DMAC2L: variants seen among roughly 807,000 people sequenced by gnomAD.
DMAC2L encodes distal membrane arm assembly component 2 like, also known as ATP synthase subunit s, mitochondrial.
A neutral mutation model predicts 22.5 loss-of-function variants in DMAC2L; 21 were observed. The ratio of observed to expected loss-of-function variants is 0.93; its 90% CI spans 0.66 to 1.34. The LOEUF (loss-of-function observed/expected upper bound fraction) is 1.34, where lower values mean the gene tolerates loss of function less well. Among genes scored for constraint, DMAC2L ranks in the 40% most tolerant of loss-of-function variants. The pLI is 0.00. For synonymous variants in DMAC2L, 86 were observed against 89.5 expected (o/e 0.96, Z 0.22); for missense variants, 239 against 246.5 (o/e 0.97, Z 0.20).
chr14:50,325,555 A>G (rs8003113), intron 5 of DMAC2L, 54 bp from the exon 6 acceptor site: 853,676 of 1,503,618 alleles, frequency 0.57, 243,723 homozygotes, highest in East Asian at 0.6. Context: ...AGTAAATTGA[A>G]TTTATTTTTA....
rs937211456 is a variant in DMAC2L at position 50,325,962 on chromosome 14, G to C, written c.*239G>C. 2.7e-6 allele frequency: 3 copies of C among 1,122,836 alleles called. No individual in the cohort carries two copies. Among genetic ancestry groups the C allele is most frequent in the African/African-American group, 3.3e-5 (2 of 60,606 alleles). 69.6% of individuals were successfully genotyped at this position (1,122,836 alleles called of 1,614,324 possible). A position where few individuals can be genotyped will look rare whatever the true frequency, so the allele number is the denominator to read the frequency against. On this transcript the variant is annotated 3_prime_UTR_variant, in exon 6 of 6. Coordinates refer to ENST00000557421, the MANE Select transcript of DMAC2L (RefSeq NM_001382507.1). Reference sequence around the variant, plus strand: ...AAGAAAAGTGCAGCCAGGCGCAGTGGCTCATGCCTGTAATCCTAGCACTTT... The same window carrying C: ...AAGAAAAGTGCAGCCAGGCGCAGTGCCTCATGCCTGTAATCCTAGCACTTT...
At chr14:50,315,099 T>C (rs1031723625) in intron 2 of DMAC2L, among the ~76,000 whole-genome samples, 1 of 152,040 alleles carries the variant, frequency 6.6e-6, no homozygotes, top group Non-Finnish European at 1.5e-5. Context: ...CCTGAGTAGC[T>C]GGGACTATAG....
chr14:50,318,617 A>G (rs2032009762), intron 2 of DMAC2L, among the ~76,000 whole-genome samples: 1 of 152,246 alleles, frequency 6.6e-6, no homozygotes, highest in South Asian at 2.1e-4. Flanking sequence ...GCTGAGAAAA[A>G]TGGAAATGAA....
chr14:50,316,669 ATGTT>A (rs917584551), intron 2 of DMAC2L, among the ~76,000 whole-genome samples: 3 of 152,018 alleles, frequency 2.0e-5, no homozygotes, highest in African/African-American at 4.8e-5. Context: ...CCCACTTTAT[ATGTT>A]TGTTTGTTTT....
chr14:50,321,520 G>A lies in DMAC2L; in HGVS notation c.33G>A (p.Leu11=), dbSNP rs2032272754. The A allele has an allele frequency of 2.5e-6, 4 of 1,613,980 alleles. No individual in the cohort carries two copies. The highest frequency in any genetic ancestry group is 1.7e-5 in the Admixed American group (1 of 59,984). MMPFGKISQQ[L]CGVKKLPWSC... is the part of the protein sequence containing the mutation. The stretch of plus-strand genomic sequence containing the variant: ...CGTTTGGAAAAATTTCCCAGCAGTT[G>A]TGTGGCGTAAAGAAACTCCCATGGT... The change falls in exon 3 of 6, where the codon TTG becomes TTA. Residue 11 remains leucine, a synonymous_variant. Transcript: ENST00000557421.
chr14:50,322,833 T>G, intron 4 of DMAC2L, 114 bp downstream of exon 4: 1 of 1,530,952 alleles, frequency 6.5e-7, no homozygotes, highest in Non-Finnish European at 8.8e-7. Context: ...CATTTCATTA[T>G]AGTCAAGTTT....
At chr14:50,312,313 C>G (rs1054238747), upstream of DMAC2L, 11 of 1,073,948 alleles carry the variant, frequency 1.0e-5, no homozygotes, top group Admixed American at 4.9e-5. Flanking sequence ...GCGCGCGCGT[C>G]GGAGGGCGAA....
chr14:50,314,547 A>G (rs1194964628), intron 1 of DMAC2L, 44 bp from the exon 2 acceptor site: 3 of 455,974 alleles, frequency 6.6e-6, no homozygotes, highest in African/African-American at 6.0e-5. Context: ...AGCTGTGAAC[A>G]TGAGTGTACA....
In DMAC2L at chr14:50,327,436, G is replaced by A. The variant is rs914719946; in HGVS notation, c.*1713G>A. On this transcript the variant is annotated 3_prime_UTR_variant, in exon 6 of 6. Transcript: ENST00000557421. Reference sequence around the variant, plus strand: ...ACTCTTATATGCCAGTTTGTTTATAGATTTCTGTGTGTTTGATTTGAACTT... The same window carrying A: ...ACTCTTATATGCCAGTTTGTTTATAAATTTCTGTGTGTTTGATTTGAACTT... The A allele has an allele frequency of 6.9e-6, 1 of 145,332 alleles. No individual in the cohort carries two copies. The highest frequency in any genetic ancestry group is 1.5e-5 in the Non-Finnish European group (1 of 66,478). The allele number at this position is 145,332 out of a possible 1,614,324, so 9.0% of individuals were successfully genotyped here. A position where few individuals can be genotyped will look rare whatever the true frequency, so the allele number is the denominator to read the frequency against.
intron 2 of DMAC2L, chr14:50,319,056 T>G (rs1181094335): frequency 2.0e-6 from 2 of 985,250 alleles, no homozygotes; most frequent in Non-Finnish European, 2.4e-6. Context: ...AGTAAGGTCT[T>G]GAGGTTGGGT....
At chr14:50,325,509 AG>A (rs1414600944) in intron 5 of DMAC2L, 99 bp from the exon 6 acceptor site, 2 of 1,373,608 alleles carry the variant, frequency 1.5e-6, no homozygotes, top group African/African-American at 1.5e-5. Flanking sequence ...AGGGTGATAT[AG>A]ATTCATTTTC....
rs985510554 is a variant in DMAC2L, at chr14:50,325,992, G to T, written c.*269G>T. On this transcript the variant is annotated 3_prime_UTR_variant, in exon 6 of 6. Coordinates refer to ENST00000557421, the MANE Select transcript of DMAC2L (RefSeq NM_001382507.1). ...TGCCTGTAATCCTAGCACTTTGGGA[G>T]GCCAAAGCGGGCAGATCACCTGAGG... 6 of 968,246 alleles carry T rather than the reference G, an allele frequency of 6.2e-6. No homozygotes were observed. The African/African-American group carries it at 1.1e-4, about 17-fold the overall frequency. The allele number at this position is 968,246 out of a possible 1,614,324, so 60.0% of individuals were successfully genotyped here.
chr14:50,324,528 T>G (rs575014625), intron 5 of DMAC2L: 16 of 154,046 alleles, frequency 1.0e-4, no homozygotes, highest in Non-Finnish European at 2.2e-4. Context: ...CCTTGAAATA[T>G]TCACCTTTCT....
Position 50,312,333 on chromosome 14 carries a change from A to G in DMAC2L, c.-98A>G. 1 of 797,582 alleles carries G rather than the reference A, an allele frequency of 1.3e-6. No individual in the cohort carries two copies. The highest frequency in any genetic ancestry group is 2.0e-6 in the Non-Finnish European group (1 of 510,884). 49.4% of individuals were successfully genotyped at this position (797,582 alleles called of 1,614,324 possible). A position where few individuals can be genotyped will look rare whatever the true frequency, so the allele number is the denominator to read the frequency against. ...CGCGTCGGAGGGCGAAGGGCCGGCC[A>G]GGGTGCCGCAGACGCGGGGACGCTG... is the stretch of plus-strand genomic sequence containing the variant. On this transcript the variant is annotated 5_prime_UTR_variant, in exon 1 of 6. Coordinates refer to ENST00000557421, the MANE Select transcript of DMAC2L (RefSeq NM_001382507.1).
At chr14:50,312,262 G>A (rs964990389), upstream of DMAC2L, 5 of 1,480,952 alleles carry the variant, frequency 3.4e-6, no homozygotes, top group African/African-American at 1.4e-5. Flanking sequence ...ATGAAGTGGC[G>A]CGCCTTCGCC....
chr14:50,326,717 T>C lies in DMAC2L; in HGVS notation c.*994T>C, dbSNP rs2032719248. ...TAATAAAGGAAACAGTAAAAACTAG[T>C]GGGCTATGCTTAGGTTTTTCTTGAA... On this transcript the variant is annotated 3_prime_UTR_variant, in exon 6 of 6. Coordinates refer to ENST00000557421, the MANE Select transcript of DMAC2L (RefSeq NM_001382507.1). 1.0e-6 allele frequency: 1 copy of C among 985,298 alleles called. No homozygotes were observed. Among genetic ancestry groups the C allele is most frequent in the Admixed American group, 6.1e-5 (1 of 16,268 alleles). The allele number at this position is 985,298 out of a possible 1,614,324, so 61.0% of individuals were successfully genotyped here.
At chr14:50,312,118 G>A (rs1325297020), upstream of DMAC2L, 25 of 1,610,048 alleles carry the variant, frequency 1.6e-5, no homozygotes, top group East Asian at 1.3e-4. Flanking sequence ...CCCGTCCGCA[G>A]GCACCAACCA....
At chr14:50,322,361 TTTTTTTTGCATGGATCTCACTAATTTATC>T in intron 3 of DMAC2L, 121 bp from the exon 4 acceptor site, 1 of 164,044 alleles carries the variant, frequency 6.1e-6, no homozygotes, top group Non-Finnish European at 8.6e-6. Flanking sequence ...TTTGTTTTTG[TTTTTTTTGCATGGATCTCACTAATTTATC>T]TTCCTCGTCA....
rs532285706 is a variant in DMAC2L at position 50,323,322 on chromosome 14, C to G, written c.316+603C>G. Among the ~76,000 whole-genome samples the G allele has an allele frequency of 2.0e-5, 3 of 151,040 alleles. 1 individual carries two copies. Among genetic ancestry groups the G allele is most frequent in the African/African-American group, 7.3e-5 (3 of 41,036 alleles). On this transcript the variant is annotated intron_variant, in intron 4 of 5. Coordinates refer to ENST00000557421, the MANE Select transcript of DMAC2L (RefSeq NM_001382507.1). The stretch of plus-strand genomic sequence containing the variant: ...GCCAGGATGGTCTCGATCTCCTGAC[C>G]TCATGATCCGCCTGCCTCGGCCTCC...
Sources: gnomAD v4.1 joint callset for allele counts (sites outside exome capture counted in the v4.1 genomes callset) on GRCh38, gnomAD v4.1.1 for gene constraint, MANE v1.5 for transcripts, NCBI Gene and HGNC (gene_info 2026-07-23, HGNC 2026-07-21) for gene names.